Variants in RBMS3 observed in about 807,000 individuals in gnomAD.
RBMS3 encodes RNA binding motif single stranded interacting protein 3.
A neutral mutation model predicts 66.8 loss-of-function variants in RBMS3; 27 were observed. That is an observed-to-expected ratio of 0.40 (90% CI 0.30 to 0.56). RBMS3 has a LOEUF of 0.56. Ranked by LOEUF, RBMS3 falls within the 20% of genes least tolerant of loss-of-function variation. RBMS3 has a pLI of 0.40. For synonymous variants in RBMS3, 188 were observed against 183.0 expected, an observed-to-expected ratio of 1.03 and a Z score of -0.22; for missense variants, 513 against 549.5, an observed-to-expected ratio of 0.93 and a Z score of 0.66.
chr3:29,776,565 G>A (rs954658780), intron 6 of RBMS3, among the ~76,000 whole-genome samples: 1 of 151,936 alleles, frequency 6.6e-6, no homozygotes, highest in Non-Finnish European at 1.5e-5. Context: ...TCCTTTACAA[G>A]TGTTTCTAGA....
chr3:29,365,421 T>A (rs2037843260), intron 1 of RBMS3, among the ~76,000 whole-genome samples: 1 of 152,146 alleles, frequency 6.6e-6, no homozygotes, highest in Non-Finnish European at 1.5e-5. Context: ...TTAGCATGGA[T>A]TATTTTCTCT....
At chr3:29,562,316 C>T (rs1464414482) in intron 3 of RBMS3, among the ~76,000 whole-genome samples, 2 of 152,048 alleles carry the variant, frequency 1.3e-5, no homozygotes, top group Non-Finnish European at 2.9e-5. Flanking sequence ...CTTACTGCTG[C>T]CCGATCTTCT....
At chr3:29,299,578 AT>A (rs1362584737) in intron 1 of RBMS3, among the ~76,000 whole-genome samples, 1 of 151,946 alleles carries the variant, frequency 6.6e-6, no homozygotes, top group Non-Finnish European at 1.5e-5. Flanking sequence ...GGTAGAAATT[AT>A]TTGAAAAAAA....
chr3:29,343,717 A>C (rs2036414429), intron 1 of RBMS3, among the ~76,000 whole-genome samples: 2 of 152,220 alleles, frequency 1.3e-5, no homozygotes, highest in Non-Finnish European at 2.9e-5. Flanking sequence ...ACTAGAAAAC[A>C]GTTCCTTTAC....
chr3:29,743,696 G>C (rs1396314327), intron 5 of RBMS3, among the ~76,000 whole-genome samples: 1 of 150,394 alleles, frequency 6.6e-6, no homozygotes, highest in East Asian at 1.9e-4. Context: ...TTCTGATCCA[G>C]TTGGCTTGGG....
intron 1 of RBMS3, among the ~76,000 whole-genome samples, chr3:29,285,264 A>C (rs527709842): frequency 7.7e-5 from 2 of 26,136 alleles, no homozygotes; most frequent in Non-Finnish European, 1.5e-4. Context: ...GGTGGGGAGT[A>C]GGTGGGGGTG....
chr3:29,429,789 A>G (rs2041109786), intron 1 of RBMS3, among the ~76,000 whole-genome samples: 1 of 152,168 alleles, frequency 6.6e-6, no homozygotes, highest in South Asian at 2.1e-4. Flanking sequence ...TCCCTTCCTC[A>G]GTGCTCCAAA....
At chr3:29,552,031 A>G (rs2149033110) in intron 3 of RBMS3, among the ~76,000 whole-genome samples, 1 of 152,304 alleles carries the variant, frequency 6.6e-6, no homozygotes, top group Non-Finnish European at 1.5e-5. Flanking sequence ...ACACTGCATG[A>G]CAAATTTACT....
In RBMS3 at chr3:29,659,018, C is replaced by T. The variant is rs887812633; in HGVS notation, c.399+71813C>T. On this transcript the variant is annotated intron_variant, in intron 4 of 14. Coordinates refer to ENST00000383767, the MANE Select transcript of RBMS3 (RefSeq NM_001003793.3). The stretch of plus-strand genomic sequence containing the variant: ...ATTTTTAGTAGCGATGGGGTTTCAC[C>T]GTGTTAGCCAGGATGGTCTTGATCT... 3.3e-5 allele frequency among the ~76,000 whole-genome samples: 5 copies of T among 152,108 alleles called. No individual in the cohort carries two copies. The East Asian group carries it at 7.7e-4, about 24-fold the overall frequency.
At chr3:29,592,723 G>T (rs974925390) in intron 4 of RBMS3, among the ~76,000 whole-genome samples, 1 of 152,118 alleles carries the variant, frequency 6.6e-6, no homozygotes, top group East Asian at 1.9e-4. Flanking sequence ...CTTTATTGCG[G>T]CACTATTCAT....
At chr3:29,981,707 C>G (rs1698009060) in intron 12 of RBMS3, among the ~76,000 whole-genome samples, 1 of 151,916 alleles carries the variant, frequency 6.6e-6, no homozygotes, top group Non-Finnish European at 1.5e-5. Flanking sequence ...TGTCATTGGT[C>G]CTGTTTATGT....
intron 1 of RBMS3, among the ~76,000 whole-genome samples, chr3:29,288,739 T>C (rs935269139): frequency 6.6e-6 from 1 of 151,904 alleles, no homozygotes; most frequent in Non-Finnish European, 1.5e-5. Context: ...TAATGAAATA[T>C]TATTTCGACT....
chr3:29,780,084 G>A (rs2056575146), intron 6 of RBMS3, among the ~76,000 whole-genome samples: 2 of 151,790 alleles, frequency 1.3e-5, no homozygotes, highest in South Asian at 4.1e-4. Flanking sequence ...AAGATGAAAG[G>A]TATTTCCAAG....
chr3:29,287,551 C>T (rs1559461665), intron 1 of RBMS3, among the ~76,000 whole-genome samples: 1 of 152,030 alleles, frequency 6.6e-6, no homozygotes, highest in East Asian at 1.9e-4. Context: ...ATAAATATTG[C>T]TCTTTTCTTA....
intron 1 of RBMS3, among the ~76,000 whole-genome samples, chr3:29,298,145 C>G (rs1197454286): frequency 6.6e-6 from 1 of 151,950 alleles, no homozygotes; most frequent in Non-Finnish European, 1.5e-5. Context: ...ATCCCCACCC[C>G]CTGCATGTGG....
intron 3 of RBMS3, among the ~76,000 whole-genome samples, chr3:29,564,083 G>A (rs1463415131): frequency 6.6e-6 from 1 of 151,814 alleles, no homozygotes; most frequent in Admixed American, 6.6e-5. Context: ...GAAAGAAAAT[G>A]TTTCTACATT....
At chr3:29,946,078 A>T (rs1695284919) in intron 12 of RBMS3, among the ~76,000 whole-genome samples, 1 of 151,780 alleles carries the variant, frequency 6.6e-6, no homozygotes, top group Non-Finnish European at 1.5e-5. Context: ...GAGATTTCAC[A>T]GTTATTTTCC....
intron 2 of RBMS3, among the ~76,000 whole-genome samples, chr3:29,480,178 G>A (rs1331588456): frequency 6.6e-6 from 1 of 152,174 alleles, no homozygotes; most frequent in Non-Finnish European, 1.5e-5. Context: ...GGAATTCAAA[G>A]CATGATAATA....
At chr3:29,286,793 T>C (rs2032380730) in intron 1 of RBMS3, among the ~76,000 whole-genome samples, 1 of 152,080 alleles carries the variant, frequency 6.6e-6, no homozygotes, top group Non-Finnish European at 1.5e-5. Flanking sequence ...TCAGTCACAA[T>C]TATGCCCATG....
Sources: allele counts gnomAD v4.1 joint callset (sites outside exome capture counted in the v4.1 genomes callset), GRCh38; gene constraint gnomAD v4.1.1; transcripts MANE v1.5; gene names NCBI Gene and HGNC (gene_info 2026-07-23, HGNC 2026-07-21).